ZNF507: variants seen among roughly 807,000 people sequenced by gnomAD.
ZNF507 encodes zinc finger protein 507.
A neutral mutation model predicts 80.0 loss-of-function variants in ZNF507; 29 were observed. The ratio of observed to expected loss-of-function variants is 0.36; its 90% CI spans 0.27 to 0.49. ZNF507 has a LOEUF of 0.49. Among genes scored for constraint, ZNF507 ranks in the 20% least tolerant of loss-of-function variants. ZNF507 has a pLI of 0.98. For missense variants in ZNF507, 1,081 were observed against 1,152.2 expected (o/e 0.94, Z 0.90); for synonymous variants, 462 against 422.5 (o/e 1.09, Z -1.15).
intron 5 of ZNF507, among the ~76,000 whole-genome samples, chr19:32,375,959 T>TTTAA: frequency 6.6e-6 from 1 of 151,368 alleles, no homozygotes; most frequent in Middle Eastern, 3.4e-3. Flanking sequence ...GTTTATAAAC[T>TTTAA]GTGTTCTCAG....
Position 32,384,467 on chromosome 19 carries a change from G to A in ZNF507, c.*1384G>A, listed in dbSNP as rs898413287. 2 of 152,108 alleles carry A rather than the reference G, an allele frequency of 1.3e-5. No individual in the cohort carries two copies. The highest frequency in any genetic ancestry group is 4.8e-5 in the African/African-American group (2 of 41,412). The allele number at this position is 152,108 out of a possible 1,614,324, so 9.4% of individuals were successfully genotyped here. On this transcript the variant is annotated 3_prime_UTR_variant, in exon 7 of 7. Transcript: ENST00000355898. ...TGCCTACAAGTGAAAAGGTCGGTGCGCTCTTCTGTGCACCATCCTCACGGT... is the reference window on the plus strand; with the variant it reads ...TGCCTACAAGTGAAAAGGTCGGTGCACTCTTCTGTGCACCATCCTCACGGT...
intron 5 of ZNF507, among the ~76,000 whole-genome samples, chr19:32,369,953 T>C (rs1000644840): frequency 1.3e-5 from 2 of 151,740 alleles, no homozygotes; most frequent in Non-Finnish European, 1.5e-5. Flanking sequence ...TCTGTGTGTG[T>C]GTGTATTGGA....
rs369944187 is a variant in ZNF507, at chr19:32,353,724, G to A, written c.894G>A (p.Ala298=). ...TGCTGGATTCTTCAGCAGCTGCTGC[G>A]CCTGGTGGGGTCGATGCAGTCGTCA... ...LGLLDSSAAA[A]PGGVDAVVIA... Residue 298 remains alanine, a synonymous_variant, in exon 3 of 7, where the codon GCG becomes GCA. Coordinates refer to ENST00000355898, the MANE Select transcript of ZNF507 (RefSeq NM_001136156.2). 8.1e-6 allele frequency: 13 copies of A among 1,614,170 alleles called. No homozygotes were observed. Among genetic ancestry groups the A allele is most frequent in the South Asian group, 2.2e-5 (2 of 91,086 alleles).
chr19:32,364,031 G>A (rs1018491145), intron 5 of ZNF507, among the ~76,000 whole-genome samples: 9 of 152,278 alleles, frequency 5.9e-5, no homozygotes, highest in Admixed American at 2.0e-4. Flanking sequence ...ATACTTCCCC[G>A]CTCATAAGGC....
chr19:32,376,087 T>C (rs1041534140), intron 5 of ZNF507, among the ~76,000 whole-genome samples: 2 of 152,212 alleles, frequency 1.3e-5, no homozygotes, highest in African/African-American at 4.8e-5. Flanking sequence ...CAATGTGAAA[T>C]GCTAGGCAGC....
At chr19:32,382,381 G>A in intron 5 of ZNF507, 86 bp from the exon 6 acceptor site, 1 of 1,508,406 alleles carries the variant, frequency 6.6e-7, no homozygotes, top group South Asian at 1.2e-5. Flanking sequence ...CGGAGGAAGG[G>A]CTATAATAAT....
At chr19:32,351,419 C>CTGTGTGTG (rs5823) in intron 2 of ZNF507, among the ~76,000 whole-genome samples, 6,912 of 52,718 alleles carry the variant, frequency 0.13, 790 homozygotes, top group Admixed American at 0.14. Flanking sequence ...AGCTGGTCAG[C>CTGTGTGTG]TGTGTGTGTG....
rs1337284988 is a variant in ZNF507 at position 32,385,252 on chromosome 19, A to C, written c.*2169A>C. 6.6e-6 allele frequency: 1 copy of C among 152,196 alleles called. No individual in the cohort carries two copies. Among genetic ancestry groups the C allele is most frequent in the African/African-American group, 2.4e-5 (1 of 41,448 alleles). The allele number at this position is 152,196 out of a possible 1,614,324, so 9.4% of individuals were successfully genotyped here. A position where few individuals can be genotyped will look rare whatever the true frequency, so the allele number is the denominator to read the frequency against. ...TTACTTAAATTTTCCACCTGGAATC[A>C]TGGATTTAAAATTTCCCCACCTCAT... On this transcript the variant is annotated 3_prime_UTR_variant, in exon 7 of 7. Coordinates refer to ENST00000355898, the MANE Select transcript of ZNF507 (RefSeq NM_001136156.2).
rs1967703970 is a variant in ZNF507, at chr19:32,387,437, C to T, written c.*4354C>T. 6.6e-6 allele frequency: 1 copy of T among 152,166 alleles called. No individual in the cohort carries two copies. Among genetic ancestry groups the T allele is most frequent in the Non-Finnish European group, 1.5e-5 (1 of 68,030 alleles). 9.4% of individuals were successfully genotyped at this position (152,166 alleles called of 1,614,324 possible). A position where few individuals can be genotyped will look rare whatever the true frequency, so the allele number is the denominator to read the frequency against. ...CCCAGGGACAACATAATCATATCCC[C>T]TGTCTTTGAAAAACCCAATCTGAAA... On this transcript the variant is annotated 3_prime_UTR_variant, in exon 7 of 7. Coordinates refer to ENST00000355898, the MANE Select transcript of ZNF507 (RefSeq NM_001136156.2).
Position 32,354,066 on chromosome 19 carries a change from G to A in ZNF507, c.1236G>A (p.Lys412=). The A allele has an allele frequency of 6.2e-7, 1 of 1,614,122 alleles. No homozygotes were observed. Among genetic ancestry groups the A allele is most frequent in the Non-Finnish European group, 8.5e-7 (1 of 1,180,034 alleles). ...GTGCTGAAGAAACCCTTTCACAGAA[G>A]CGCTTCCTCATGAACACTGAAATGG... is the stretch of plus-strand genomic sequence containing the variant. ...LPSAEETLSQ[K]RFLMNTEMEE... Residue 412 remains lysine (K), a synonymous_variant, in exon 3 of 7, where the codon AAG becomes AAA. Coordinates refer to ENST00000355898, the MANE Select transcript of ZNF507 (RefSeq NM_001136156.2).
chr19:32,365,033 G>A (rs1744505589), intron 5 of ZNF507, among the ~76,000 whole-genome samples: 1 of 152,152 alleles, frequency 6.6e-6, no homozygotes, highest in African/African-American at 2.4e-5. Context: ...GTATCACACT[G>A]TGGTTTTGAT....
In ZNF507 at chr19:32,346,539, T is replaced by A. The variant is rs796822190; in HGVS notation, c.-96-706T>A. ...CAGTACTCCCCTCTCACTCAGAGTATGGGTTGCATTATTGATTAAAAGAAA... is the reference window on the plus strand; with the variant it reads ...CAGTACTCCCCTCTCACTCAGAGTAAGGGTTGCATTATTGATTAAAAGAAA... On this transcript the variant is annotated intron_variant, in intron 1 of 6. Transcript: ENST00000355898. Among the ~76,000 whole-genome samples the A allele has an allele frequency of 8.5e-5, 13 of 152,336 alleles. 1 individual carries two copies. The highest frequency in any genetic ancestry group is 3.1e-4 in the African/African-American group (13 of 41,586).
intron 5 of ZNF507, among the ~76,000 whole-genome samples, chr19:32,369,474 T>C (rs1483661234): frequency 1.3e-5 from 2 of 152,190 alleles, no homozygotes; most frequent in African/African-American, 4.8e-5. Flanking sequence ...TCATGTGGTT[T>C]CGTTTTGGTT....
Position 32,354,365 on chromosome 19 carries a change from G to A in ZNF507, c.1535G>A (p.Arg512Lys), listed in dbSNP as rs764469911. ...TMPIRAAELT[R>K]ANLGHYGDIN... ...CCTATAAGAGCTGCAGAGTTGACAA[G>A]AGCCAACCTGGGGCACTATGGAGAT... Residue 512 changes from arginine to lysine, a missense_variant, in exon 3 of 7, where the codon AGA (arginine) becomes AAA (lysine). By Grantham distance (26) the Arg-to-Lys change is conservative. Around this residue, in one of 6 missense-constraint regions of ZNF507, gnomAD observed 614 missense variants for 583.9 expected, o/e 1.05. Transcript: ENST00000355898. 6.2e-7 allele frequency: 1 copy of A among 1,614,110 alleles called. No homozygotes were observed.
In ZNF507 at chr19:32,352,957, C is replaced by A; in HGVS notation, c.127C>A (p.Pro43Thr). The change falls in exon 3 of 7, where the codon CCA becomes ACA. Residue 43 changes from proline (P) to threonine (T), a missense_variant. Physicochemically the swap from Pro to Thr is conservative, Grantham distance 38. This residue lies in a region of ZNF507 where 275 missense variants were observed against 303.9 expected (regional missense o/e 0.90). Coordinates refer to ENST00000355898, the MANE Select transcript of ZNF507 (RefSeq NM_001136156.2). ...IDEQRKTKPD[P>T]LIHVIQKLSK... is the part of the protein sequence containing the mutation. ...TGAACAAAGAAAAACTAAACCAGAT[C>A]CATTAATCCATGTTATCCAGAAGTT... 1 of 1,614,128 alleles carries A rather than the reference C, an allele frequency of 6.2e-7. No individual in the cohort carries two copies. The highest frequency in any genetic ancestry group is 8.5e-7 in the Non-Finnish European group (1 of 1,180,026).
rs950532128 is a variant in ZNF507, at chr19:32,386,302, C to T, written c.*3219C>T. 8 of 152,674 alleles carry T rather than the reference C, an allele frequency of 5.2e-5. No individual in the cohort carries two copies. In the South Asian group the frequency reaches 1.0e-3, roughly 20 times the overall value. 9.5% of individuals were successfully genotyped at this position (152,674 alleles called of 1,614,324 possible). ...CATCCATGTTTACATTGCACCTTCC[C>T]GTGCTGTAATTGGCTTGACAAAGAC... On this transcript the variant is annotated 3_prime_UTR_variant, in exon 7 of 7. Transcript: ENST00000355898.
chr19:32,360,433 A>G, intron 4 of ZNF507, 71 bp from the exon 5 acceptor site: 1 of 704,080 alleles, frequency 1.4e-6, no homozygotes, highest in Non-Finnish European at 2.2e-6. Context: ...TTTCATTTAC[A>G]ATGGAATGTA....
Position 32,384,462 on chromosome 19 carries a change from G to A in ZNF507, c.*1379G>A, listed in dbSNP as rs1004420973. The A allele has an allele frequency of 2.0e-5, 3 of 152,052 alleles. No individual in the cohort carries two copies. The highest frequency in any genetic ancestry group is 1.9e-4 in the East Asian group (1 of 5,190). 9.4% of individuals were successfully genotyped at this position (152,052 alleles called of 1,614,324 possible). On this transcript the variant is annotated 3_prime_UTR_variant, in exon 7 of 7. Coordinates refer to ENST00000355898, the MANE Select transcript of ZNF507 (RefSeq NM_001136156.2). ...AATTCTGCCTACAAGTGAAAAGGTC[G>A]GTGCGCTCTTCTGTGCACCATCCTC...
In ZNF507 at chr19:32,353,177, C is replaced by A. The variant is rs1967194621; in HGVS notation, c.347C>A (p.Ala116Asp). The change falls in exon 3 of 7, where the codon GCC (alanine) becomes GAC (aspartate). Residue 116 changes from alanine to aspartate, a missense_variant. By Grantham distance (126) the Ala-to-Asp change is moderately radical (BLOSUM62 -2). Around this residue, in one of 6 missense-constraint regions of ZNF507, gnomAD observed 275 missense variants for 303.9 expected, o/e 0.90. Coordinates refer to ENST00000355898, the MANE Select transcript of ZNF507 (RefSeq NM_001136156.2). The part of the protein sequence containing the change: ...SQTNFTPDTL[A>D]QNEGKAMSYQ... ...ACAAATTTTACCCCTGACACTCTTG[C>A]CCAGAATGAAGGGAAGGCTATGTCT... 1 of 1,614,068 alleles carries A rather than the reference C, an allele frequency of 6.2e-7. No individual in the cohort carries two copies. Among genetic ancestry groups the A allele is most frequent in the South Asian group, 1.1e-5 (1 of 91,090 alleles).
Sources: allele counts gnomAD v4.1 joint callset (sites outside exome capture counted in the v4.1 genomes callset), GRCh38; gene constraint gnomAD v4.1.1; regional missense constraint gnomAD v4.1.1; transcripts MANE v1.5; gene names NCBI Gene and HGNC (gene_info 2026-07-23, HGNC 2026-07-21).